Variants in SH3KBP1 observed in about 807,000 individuals in gnomAD.
SH3KBP1 encodes SH3 domain-containing kinase-binding protein 1.
In SH3KBP1, 8 loss-of-function variants were observed where a neutral mutation model predicts 50.1. The ratio of observed to expected loss-of-function variants is 0.16; its 90% CI spans 0.09 to 0.29. SH3KBP1 has a LOEUF of 0.29. Ranked by LOEUF, SH3KBP1 falls within the 10% of genes least tolerant of loss-of-function variation. SH3KBP1 has a pLI of 1.00. For synonymous variants in SH3KBP1, 227 were observed against 218.6 expected (o/e 1.04, Z -0.34); for missense variants, 377 against 535.2 (o/e 0.70, Z 2.92).
At chrX:19,541,836 G>T in intron 16 of SH3KBP1, 89 bp downstream of exon 16, 1 of 1,075,240 alleles carries the variant, frequency 9.3e-7, no homozygotes, top group Non-Finnish European at 1.2e-6. Flanking sequence ...GCCCTCCAAG[G>T]CAGGCTGGGA....
At chrX:19,625,738 C>G (rs2067999075) in intron 8 of SH3KBP1, among the ~76,000 whole-genome samples, 1 of 112,046 alleles carries the variant, frequency 8.9e-6, no homozygotes, top group Non-Finnish European at 1.9e-5. Context: ...GACACTTGCC[C>G]TGGATATCCA....
At chrX:19,629,050 T>C (rs778203335) in intron 8 of SH3KBP1, among the ~76,000 whole-genome samples, 4 of 110,432 alleles carry the variant, frequency 3.6e-5, no homozygotes, top group Non-Finnish European at 7.6e-5. Flanking sequence ...GAAGTTGCAG[T>C]GAGCCGAGAT....
At chrX:19,698,370 G>GC (rs1161034943) in intron 4 of SH3KBP1, among the ~76,000 whole-genome samples, 1 of 112,088 alleles carries the variant, frequency 8.9e-6, no homozygotes, top group Non-Finnish European at 1.9e-5. Context: ...CCTGAGGGAA[G>GC]CCTTCCTGAT....
intron 2 of SH3KBP1, among the ~76,000 whole-genome samples, chrX:19,763,465 CTT>C (rs1312961874): frequency 1.8e-5 from 2 of 112,373 alleles, no homozygotes; most frequent in Non-Finnish European, 3.8e-5. Flanking sequence ...TTACTCATGT[CTT>C]TTGTCAATTC....
chrX:19,829,715 C>T (rs1284777242), intron 2 of SH3KBP1, among the ~76,000 whole-genome samples: 2 of 93,758 alleles, frequency 2.1e-5, no homozygotes, highest in African/African-American at 8.3e-5. Flanking sequence ...CACTGCACTC[C>T]GTCTCAAAAA....
At chrX:19,773,856 G>GAAAAAA (rs59381892) in intron 2 of SH3KBP1, among the ~76,000 whole-genome samples, 10 of 14,921 alleles carry the variant, frequency 6.7e-4, no homozygotes, top group African/African-American at 1.4e-3. Context: ...ACTCCGGCTC[G>GAAAAAA]AAAAAAAAAA....
At chrX:19,887,235 CCG>C in intron 1 of SH3KBP1, 70 bp downstream of exon 1, 1 of 918,742 alleles carries the variant, frequency 1.1e-6, no homozygotes, top group Non-Finnish European at 1.4e-6. Context: ...CTCCCGGGCT[CCG>C]CGGTTCTGGG....
At chrX:19,661,492 T>A (rs1182233197) in intron 6 of SH3KBP1, among the ~76,000 whole-genome samples, 2 of 111,049 alleles carry the variant, frequency 1.8e-5, no homozygotes, top group East Asian at 2.8e-4. Flanking sequence ...GTAAATATTT[T>A]AAAAAGTTAA....
intron 3 of SH3KBP1, among the ~76,000 whole-genome samples, chrX:19,736,977 G>C (rs771267424): frequency 9.5e-6 from 1 of 105,336 alleles, no homozygotes; most frequent in East Asian, 3.0e-4. Context: ...TGCGATTTCA[G>C]CTCACTGCAA....
At chrX:19,874,572 G>A (rs1186459947) in intron 1 of SH3KBP1, among the ~76,000 whole-genome samples, 1 of 103,775 alleles carries the variant, frequency 9.6e-6, no homozygotes, top group Non-Finnish European at 2.0e-5. Flanking sequence ...AGGGATGTGG[G>A]CAATGAGAAG....
chrX:19,666,228 G>A (rs150068225), intron 6 of SH3KBP1, among the ~76,000 whole-genome samples: 15,356 of 109,916 alleles, frequency 0.14, 870 homozygotes, highest in African/African-American at 0.16. Context: ...TATCCACTAC[G>A]TAAGATGAAT....
intron 1 of SH3KBP1, among the ~76,000 whole-genome samples, chrX:19,862,384 A>T (rs2068799718): frequency 8.9e-6 from 1 of 112,010 alleles, no homozygotes; most frequent in African/African-American, 3.2e-5. Context: ...TATCTTCAAC[A>T]TTGTTTTGTC....
intron 3 of SH3KBP1, among the ~76,000 whole-genome samples, chrX:19,709,586 ACT>A (rs1464569980): frequency 2.7e-5 from 3 of 111,344 alleles, no homozygotes; most frequent in African/African-American, 3.3e-5. Context: ...TTTGTGCCAA[ACT>A]CTCTGCAATC....
In SH3KBP1 at chrX:19,592,035, C is replaced by A; in HGVS notation, c.1138+32G>T. ...ACAGACAGCTTCAGCTCCTGCTGTT[C>A]TGGAAGTGCCAATGAAGAATTGATT... On this transcript the variant is annotated intron_variant, in intron 11 of 17. Coordinates refer to ENST00000397821, the MANE Select transcript of SH3KBP1 (RefSeq NM_031892.3). The A allele has an allele frequency of 3.6e-6, 4 of 1,101,313 alleles. No individual in the cohort carries two copies. The South Asian group carries it at 7.3e-5, about 20-fold the overall frequency. The allele number at this position is 1,101,313 out of a possible 1,213,427, so 90.8% of individuals were successfully genotyped here. A position where few individuals can be genotyped will look rare whatever the true frequency, so the allele number is the denominator to read the frequency against.
At chrX:19,703,408 C>T (rs2063571370) in intron 4 of SH3KBP1, among the ~76,000 whole-genome samples, 1 of 110,423 alleles carries the variant, frequency 9.1e-6, no homozygotes, top group African/African-American at 3.3e-5. Context: ...GGCTGTAGAA[C>T]TTGAGAAGGA....
intron 2 of SH3KBP1, among the ~76,000 whole-genome samples, chrX:19,834,856 C>G (rs920835615): frequency 9.2e-6 from 1 of 109,140 alleles, no homozygotes; most frequent in East Asian, 2.9e-4. Context: ...ATGGTGAAAC[C>G]CCATCTCTAC....
At chrX:19,646,006 C>T (rs1384414048) in intron 6 of SH3KBP1, among the ~76,000 whole-genome samples, 1 of 111,313 alleles carries the variant, frequency 9.0e-6, no homozygotes, top group African/African-American at 3.3e-5. Flanking sequence ...CTCTGTCTAG[C>T]CATCTAGAAT....
At chrX:19,562,289 A>C (rs1444248139) in intron 13 of SH3KBP1, among the ~76,000 whole-genome samples, 1 of 111,103 alleles carries the variant, frequency 9.0e-6, no homozygotes, top group East Asian at 2.8e-4. Context: ...TGCAAGTAAA[A>C]CGGAAGCCAT....
rs35514461 is a variant in SH3KBP1 at position 19,718,139 on chromosome X, T to TACACACAC, written c.287-11163_287-11156dup. 7.4e-3 allele frequency among the ~76,000 whole-genome samples: 677 copies of TACACACAC among 91,087 alleles called. 5 individuals carry two copies. The highest frequency in any genetic ancestry group is 0.025 in the African/African-American group (622 of 24,904). 79.1% of individuals were successfully genotyped at this position (91,087 alleles called of 115,157 possible). ...TATACTATGATCCCAATTTTATAAATACACACACACACACACACACACACA... is the reference window on the plus strand; with the variant it reads ...TATACTATGATCCCAATTTTATAAATACACACACACACACACACACACACACACACACA... On this transcript the variant is annotated intron_variant, in intron 3 of 17. Coordinates refer to ENST00000397821, the MANE Select transcript of SH3KBP1 (RefSeq NM_031892.3).
Sources: gnomAD v4.1 joint callset for allele counts (sites outside exome capture counted in the v4.1 genomes callset) on GRCh38, gnomAD v4.1.1 for gene constraint, MANE v1.5 for transcripts, NCBI Gene and HGNC (gene_info 2026-07-23, HGNC 2026-07-21) for gene names.